KCNMB2: variants seen among roughly 807,000 people sequenced by gnomAD.
KCNMB2 encodes the protein calcium-activated potassium channel subunit beta-2.
A neutral mutation model predicts 24.5 loss-of-function variants in KCNMB2; 9 were observed. That is an observed-to-expected ratio of 0.37 (90% CI 0.22 to 0.64). The LOEUF (loss-of-function observed/expected upper bound fraction) is 0.64. KCNMB2 is among the 30% of genes least tolerant of loss of function. KCNMB2 has a pLI of 0.63. For missense variants in KCNMB2, 226 were observed against 284.3 expected (o/e 0.79, Z 1.47); for synonymous variants, 109 against 104.4 (o/e 1.04, Z -0.27).
At position 178,683,661 on chromosome 3, in the gene KCNMB2, G is replaced by A. The variant is rs180682453; in HGVS notation, c.-67-123682G>A. Among the ~76,000 whole-genome samples, 35 of 152,220 alleles carry A rather than the reference G, an allele frequency of 2.3e-4. 1 individual carries two copies. Among genetic ancestry groups the A allele is most frequent in the Admixed American group, 7.2e-4 (11 of 15,280 alleles). On this transcript the variant is annotated intron_variant, in intron 1 of 4. Coordinates refer to ENST00000452583, the MANE Select transcript of KCNMB2 (RefSeq NM_181361.3). ...GCTCAGTGGCCATATGTACCTAGTC[G>A]TTATTGCATCAGACAATGCAGCCCA...
intron 1 of KCNMB2, among the ~76,000 whole-genome samples, chr3:178,735,111 GTGTC>G: frequency 6.6e-6 from 1 of 152,204 alleles, no homozygotes. Context: ...ACAAGCTTTA[GTGTC>G]TGTCTGTAAA....
At chr3:178,541,884 C>A (rs942102505) in intron 1 of KCNMB2, among the ~76,000 whole-genome samples, 4 of 152,192 alleles carry the variant, frequency 2.6e-5, no homozygotes, top group African/African-American at 9.7e-5. Context: ...CTGACTCAGT[C>A]CGATCACCTG....
intron 1 of KCNMB2, among the ~76,000 whole-genome samples, chr3:178,688,959 C>T (rs1450231743): frequency 6.6e-6 from 1 of 151,948 alleles, no homozygotes; most frequent in South Asian, 2.1e-4. Context: ...ATAAAAAATA[C>T]TCTTTGGGAA....
chr3:178,607,895 A>G (rs1718337816), intron 1 of KCNMB2, among the ~76,000 whole-genome samples: 3 of 152,184 alleles, frequency 2.0e-5, no homozygotes, highest in Admixed American at 2.0e-4. Flanking sequence ...GTTCCTACTC[A>G]GCTAGCAAGA....
intron 1 of KCNMB2, among the ~76,000 whole-genome samples, chr3:178,539,738 TGC>T (rs1715551918): frequency 6.6e-6 from 1 of 151,962 alleles, no homozygotes; most frequent in African/African-American, 2.4e-5. Context: ...AGTGTGTGTG[TGC>T]GTGTGTGTGT....
intron 1 of KCNMB2, among the ~76,000 whole-genome samples, chr3:178,714,469 G>C (rs1440614354): frequency 3.3e-5 from 5 of 152,194 alleles, no homozygotes; most frequent in Admixed American, 6.5e-5. Context: ...CTTTGCACTA[G>C]GTCTTGGAGG....
chr3:178,660,571 C>T (rs573569446), intron 1 of KCNMB2, among the ~76,000 whole-genome samples: 1 of 152,238 alleles, frequency 6.6e-6, no homozygotes, highest in African/African-American at 2.4e-5. Flanking sequence ...TAGCCCATGC[C>T]CTGGTAACAG....
chr3:178,738,739 C>T (rs1233047959), intron 1 of KCNMB2, among the ~76,000 whole-genome samples: 1 of 152,190 alleles, frequency 6.6e-6, no homozygotes, highest in Non-Finnish European at 1.5e-5. Context: ...ACTCACCTGC[C>T]TCCCAGCCCA....
At chr3:178,778,498 ACAC>A (rs974432653) in intron 1 of KCNMB2, among the ~76,000 whole-genome samples, 4 of 131,202 alleles carry the variant, frequency 3.0e-5, no homozygotes, top group African/African-American at 9.0e-5. Flanking sequence ...ACACACACAC[ACAC>A]ACCTGTTCCA....
In KCNMB2 at chr3:178,573,891, G is replaced by A. The variant is rs1468362625; in HGVS notation, c.-68+37180G>A. ...AAGGCATTCACTCAAATAAAGCTGT[G>A]ATGCCTGTGAAAGGAGAGATGAAAA... On this transcript the variant is annotated intron_variant, in intron 1 of 4. Coordinates refer to ENST00000452583, the MANE Select transcript of KCNMB2 (RefSeq NM_181361.3). Among the ~76,000 whole-genome samples the A allele has an allele frequency of 5.7e-4, 87 of 152,212 alleles. 1 individual carries two copies. The highest frequency in any genetic ancestry group is 1.2e-4 in the Non-Finnish European group (8 of 68,022).
At chr3:178,607,874 A>G (rs1465770352) in intron 1 of KCNMB2, among the ~76,000 whole-genome samples, 3 of 152,188 alleles carry the variant, frequency 2.0e-5, no homozygotes, top group African/African-American at 7.2e-5. Context: ...ATCAATTTTT[A>G]TGGGATCCAT....
At chr3:178,537,490 C>T (rs920251580) in intron 1 of KCNMB2, 1 of 152,180 alleles carries the variant, frequency 6.6e-6, no homozygotes, top group African/African-American at 2.4e-5. Context: ...CATAAAAACA[C>T]AATTCTCCTT....
At chr3:178,686,064 G>T (rs889989124) in intron 1 of KCNMB2, among the ~76,000 whole-genome samples, 6 of 151,908 alleles carry the variant, frequency 3.9e-5, no homozygotes, top group East Asian at 3.9e-4. Flanking sequence ...GAGAGAGAGA[G>T]ATAATAAACC....
At chr3:178,667,676 C>T (rs1720766991) in intron 1 of KCNMB2, among the ~76,000 whole-genome samples, 1 of 152,114 alleles carries the variant, frequency 6.6e-6, no homozygotes, top group Non-Finnish European at 1.5e-5. Context: ...CTGCTGACAC[C>T]TTGATCTTGG....
At chr3:178,689,165 G>A (rs1219158185) in intron 1 of KCNMB2, among the ~76,000 whole-genome samples, 1 of 151,890 alleles carries the variant, frequency 6.6e-6, no homozygotes, top group Admixed American at 6.6e-5. Flanking sequence ...TAGTGGATTT[G>A]TGTCATTCTC....
chr3:178,751,028 T>G (rs967127577), intron 1 of KCNMB2, among the ~76,000 whole-genome samples: 2 of 152,198 alleles, frequency 1.3e-5, no homozygotes, highest in African/African-American at 4.8e-5. Flanking sequence ...AAACCCAGGA[T>G]AGTTTTGCAC....
intron 1 of KCNMB2, among the ~76,000 whole-genome samples, chr3:178,690,975 C>T (rs982487027): frequency 1.1e-4 from 17 of 151,950 alleles, no homozygotes; most frequent in African/African-American, 3.4e-4. Context: ...TCTCACTCTG[C>T]CTCCCAGGCT....
intron 1 of KCNMB2, among the ~76,000 whole-genome samples, chr3:178,615,826 A>G (rs1422689255): frequency 6.6e-6 from 1 of 152,190 alleles, no homozygotes; most frequent in Non-Finnish European, 1.5e-5. Context: ...GGGCCTTGAT[A>G]CAGTACCTGA....
In KCNMB2 at chr3:178,761,271, T is replaced by G. The variant is rs551835081; in HGVS notation, c.-67-46072T>G. Among the ~76,000 whole-genome samples the G allele has an allele frequency of 2.6e-5, 4 of 152,336 alleles. No homozygotes were observed. In the East Asian group the frequency reaches 7.7e-4, roughly 29 times the overall value. On this transcript the variant is annotated intron_variant, in intron 1 of 4. Transcript: ENST00000452583. ...ATGTCAATGTTTCAAGGCAGTTTCC[T>G]GTGGTGCCAGAGCAATAGTAGCATT...
Sources: gnomAD v4.1 joint callset for allele counts (sites outside exome capture counted in the v4.1 genomes callset) on GRCh38, gnomAD v4.1.1 for gene constraint, MANE v1.5 for transcripts, NCBI Gene and HGNC (gene_info 2026-07-23, HGNC 2026-07-21) for gene names.